The following RBM47 variants were observed in gnomAD, a reference collection of about 807,000 sequenced individuals.
RBM47 encodes RNA-binding protein 47.
A neutral mutation model predicts 47.1 loss-of-function variants in RBM47; 21 were observed. The ratio of observed to expected loss-of-function variants is 0.45; its 90% CI spans 0.32 to 0.64. The LOEUF (loss-of-function observed/expected upper bound fraction) is 0.64, where lower values mean the gene tolerates loss of function less well. Among genes scored for constraint, RBM47 ranks in the 30% least tolerant of loss-of-function variants. The probability of loss-of-function intolerance (pLI) is 0.05; values close to 1 mark genes in which losing one functional copy is unlikely to be tolerated. For missense variants in RBM47, 708 were observed against 870.9 expected (o/e 0.81, Z 2.35); for synonymous variants, 375 against 361.7 (o/e 1.04, Z -0.42).
chr4:40,442,718 C>G (rs1421109873), intron 3 of RBM47, among the ~76,000 whole-genome samples: 1 of 152,042 alleles, frequency 6.6e-6, no homozygotes, highest in Non-Finnish European at 1.5e-5. Flanking sequence ...CACTCTGTCA[C>G]CCAGGCTGGC....
rs1302140457 is a variant in RBM47 at position 40,573,823 on chromosome 4, G to GAAAGAAAGAAAGAAAGAAAGAAAGA, written c.-239-29318_-239-29317insTCTTTCTTTCTTTCTTTCTTTCTTT. 2.6e-5 allele frequency among the ~76,000 whole-genome samples: 4 copies of GAAAGAAAGAAAGAAAGAAAGAAAGA among 151,164 alleles called. No homozygotes were observed. In the South Asian group the frequency reaches 8.4e-4, roughly 32 times the overall value. ...AAAGAAAGAAAAAGAAAGAAAGAAA[G>GAAAGAAAGAAAGAAAGAAAGAAAGA]AAAGAAAGAAAGAGAAAGAAAGAAA... On this transcript the variant is annotated intron_variant, in intron 1 of 6. Transcript: ENST00000295971.
At chr4:40,564,600 T>C (rs1044296998) in intron 1 of RBM47, among the ~76,000 whole-genome samples, 2 of 152,200 alleles carry the variant, frequency 1.3e-5, no homozygotes. Context: ...AACACATCTG[T>C]TGGTTTATCA....
chr4:40,592,807 C>T lies in RBM47; in HGVS notation c.-240+36589G>A, dbSNP rs181413583. On this transcript the variant is annotated intron_variant, in intron 1 of 6. Coordinates refer to ENST00000295971, the MANE Select transcript of RBM47 (RefSeq NM_001098634.2). ...CTCCTGAGCTCAGGCAATCTGCCTG[C>T]CTTGGCCTCCCAGTGAGCCACAGCA... Among the ~76,000 whole-genome samples, 946 of 150,726 alleles carry T rather than the reference C, an allele frequency of 6.3e-3. 6 individuals carry two copies. Among genetic ancestry groups the T allele is most frequent in the South Asian group, 0.019 (93 of 4,774 alleles).
chr4:40,607,952 A>C (rs1481027311), intron 1 of RBM47, among the ~76,000 whole-genome samples: 1 of 151,904 alleles, frequency 6.6e-6, no homozygotes, highest in Non-Finnish European at 1.5e-5. Flanking sequence ...TAAAATACAA[A>C]AAATTGGCCA....
chr4:40,525,709 G>A (rs529553637), intron 2 of RBM47, among the ~76,000 whole-genome samples: 3 of 152,270 alleles, frequency 2.0e-5, no homozygotes, highest in African/African-American at 7.2e-5. Flanking sequence ...AAGAAGAGGG[G>A]CATTTTAAAA....
intron 3 of RBM47, among the ~76,000 whole-genome samples, chr4:40,444,758 G>T (rs1410376183): frequency 1.3e-5 from 2 of 151,606 alleles, no homozygotes; most frequent in Non-Finnish European, 2.9e-5. Flanking sequence ...TCCACCTCCA[G>T]GATTCAAGCG....
intron 2 of RBM47, among the ~76,000 whole-genome samples, chr4:40,508,501 A>T (rs888624722): frequency 2.6e-5 from 4 of 152,222 alleles, no homozygotes; most frequent in African/African-American, 9.6e-5. Flanking sequence ...TGTTCTTACA[A>T]AGGAATACTA....
chr4:40,549,506 T>C (rs1211779813), intron 1 of RBM47, among the ~76,000 whole-genome samples: 14 of 150,324 alleles, frequency 9.3e-5, no homozygotes, highest in Admixed American at 8.1e-4. Flanking sequence ...GTGCAATAAA[T>C]GTTTTTTTTG....
At chr4:40,569,872 T>C (rs1206054724) in intron 1 of RBM47, among the ~76,000 whole-genome samples, 1 of 151,660 alleles carries the variant, frequency 6.6e-6, no homozygotes, top group African/African-American at 2.4e-5. Flanking sequence ...TGACCACGCC[T>C]GGCTAATTTT....
At chr4:40,459,448 C>T (rs922060887) in intron 3 of RBM47, among the ~76,000 whole-genome samples, 1 of 152,068 alleles carries the variant, frequency 6.6e-6, no homozygotes, top group African/African-American at 2.4e-5. Flanking sequence ...TGCCTGAAAT[C>T]CCAGCTACTG....
At chr4:40,536,709 G>T (rs1728018013) in intron 2 of RBM47, among the ~76,000 whole-genome samples, 1 of 142,002 alleles carries the variant, frequency 7.0e-6, no homozygotes, top group Non-Finnish European at 1.5e-5. Context: ...TTTGGTGTGT[G>T]TGTGTGTGTT....
intron 3 of RBM47, among the ~76,000 whole-genome samples, chr4:40,463,484 A>G (rs1057295535): frequency 1.3e-5 from 2 of 152,174 alleles, no homozygotes; most frequent in Admixed American, 1.3e-4. Flanking sequence ...AAATATAATC[A>G]TAATAAACAG....
At chr4:40,567,550 A>G (rs1215547760) in intron 1 of RBM47, among the ~76,000 whole-genome samples, 1 of 152,056 alleles carries the variant, frequency 6.6e-6, no homozygotes, top group African/African-American at 2.4e-5. Context: ...CACAGAGAAT[A>G]GTCATGCAGT....
chr4:40,463,900 G>A (rs1260848248), intron 3 of RBM47, among the ~76,000 whole-genome samples: 1 of 152,038 alleles, frequency 6.6e-6, no homozygotes, highest in Non-Finnish European at 1.5e-5. Context: ...TGCCATATAT[G>A]ATGCGTGGGG....
At chr4:40,455,265 A>G (rs1199588154) in intron 3 of RBM47, among the ~76,000 whole-genome samples, 1 of 152,232 alleles carries the variant, frequency 6.6e-6, no homozygotes, top group Non-Finnish European at 1.5e-5. Flanking sequence ...CGTAATCGCA[A>G]TGTTCAAGTG....
rs34526440 is a variant in RBM47, at chr4:40,628,661, A to AT, written c.-240+734dup. Among the ~76,000 whole-genome samples the AT allele has an allele frequency of 0.17, 25,617 of 151,932 alleles. 3,809 individuals carry two copies. Among genetic ancestry groups the AT allele is most frequent in the African/African-American group, 0.4 (16,458 of 41,316 alleles). On this transcript the variant is annotated intron_variant, in intron 1 of 6. Transcript: ENST00000295971. This position sits in a 1 kb window ranked among gnomAD's most constrained non-coding sequence, Gnocchi z 4.0. ...CAGTGAGTCATTAAAATACCACCAGATAAAAAAAAAAGGTTTGATTTTTAG... is the reference window on the plus strand; with the variant it reads ...CAGTGAGTCATTAAAATACCACCAGATTAAAAAAAAAAGGTTTGATTTTTAG...
At chr4:40,473,865 T>C (rs572812484) in intron 2 of RBM47, among the ~76,000 whole-genome samples, 1 of 152,276 alleles carries the variant, frequency 6.6e-6, no homozygotes, top group East Asian at 1.9e-4. Context: ...GCAAAGAAAA[T>C]GAACATACTA....
intron 6 of RBM47, among the ~76,000 whole-genome samples, chr4:40,430,760 T>C (rs1417484502): frequency 6.6e-6 from 1 of 152,176 alleles, no homozygotes; most frequent in Admixed American, 6.5e-5. Context: ...TTTGACCGAA[T>C]TGGAATCTTC....
chr4:40,469,739 A>C (rs529330762), intron 2 of RBM47, among the ~76,000 whole-genome samples: 49 of 152,096 alleles, frequency 3.2e-4, no homozygotes, highest in African/African-American at 1.2e-3. Context: ...TTGAATAGCC[A>C]TGAAAGGCAC....
Sources: gnomAD v4.1 joint callset for allele counts (sites outside exome capture counted in the v4.1 genomes callset) on GRCh38, gnomAD v4.1.1 for gene constraint, Gnocchi (gnomAD v3.1) non-coding constraint, MANE v1.5 for transcripts, NCBI Gene and HGNC (gene_info 2026-07-23, HGNC 2026-07-21) for gene names.